MYH4: variants seen among roughly 807,000 people sequenced by gnomAD.
The protein encoded by MYH4 is myosin heavy chain 4.
MYH4 carries 200 observed loss-of-function variants against 229.9 expected under a neutral mutation model. The observed-to-expected ratio is 0.87, with a 90% CI of 0.78 to 0.98. MYH4 has a LOEUF of 0.98. MYH4 is among the 50% of genes least tolerant of loss of function. The pLI, the probability that MYH4 is intolerant of heterozygous loss-of-function variation, is 0.00. For missense variants in MYH4, 2,148 were observed against 2,332.6 expected, an observed-to-expected ratio of 0.92 and a Z score of 1.63; for synonymous variants, 761 against 834.6, an observed-to-expected ratio of 0.91 and a Z score of 1.52.
Position 10,448,502 on chromosome 17 carries a change from G to C in MYH4, c.4550C>G (p.Thr1517Arg). The change falls in exon 33 of 40, where the codon ACA becomes AGA. Residue 1517 changes from threonine (T) to arginine (R), a missense_variant. Physicochemically the swap from Thr to Arg is moderately conservative, Grantham distance 71. Transcript: ENST00000255381. ...CTTTCCACCCTCTGCAATTTGCTCTGTCAGGTCAGAAATCTCCTCTGTAAT... is the reference window on the plus strand; with the variant it reads ...CTTTCCACCCTCTGCAATTTGCTCTCTCAGGTCAGAAATCTCCTCTGTAAT... ...KNLQQEISDL[T>R]EQIAEGGKHI... 3 of 1,613,678 alleles carry C rather than the reference G, an allele frequency of 1.9e-6. No homozygotes were observed. The highest frequency in any genetic ancestry group is 2.5e-6 in the Non-Finnish European group (3 of 1,179,900).
chr17:10,464,690 A>G lies in MYH4; in HGVS notation c.524T>C (p.Ile175Thr), dbSNP rs764317713. 6.2e-7 allele frequency: 1 copy of G among 1,613,876 alleles called. No homozygotes were observed. Among genetic ancestry groups the G allele is most frequent in the Non-Finnish European group, 8.5e-7 (1 of 1,179,790 alleles). The change falls in exon 6 of 40, where the codon ATC (isoleucine) becomes ACC (threonine). Residue 175 changes from isoleucine (I) to threonine (T), a missense_variant. Physicochemically the swap from Ile to Thr is moderately conservative, Grantham distance 89. Transcript: ENST00000255381. The part of the protein sequence containing the change: ...FMLTDRENQS[I>T]LITGESGAGK... ...AACGAAATCTACATACGTAATCAAG[A>G]TTGACTGGTTTTCACGATCTGTAAA... is the stretch of plus-strand genomic sequence containing the variant.
At chr17:10,466,163 G>T in intron 4 of MYH4, 110 bp downstream of exon 4, 1 of 1,252,938 alleles carries the variant, frequency 8.0e-7, no homozygotes, top group South Asian at 1.5e-5. Context: ...CAAACAATTG[G>T]TCATAAAAGA....
At position 10,445,246 on chromosome 17, in the gene MYH4, G is replaced by A. The variant is rs539118097; in HGVS notation, c.5286C>T (p.Ala1762=). The A allele has an allele frequency of 1.6e-5, 26 of 1,614,104 alleles. No individual in the cohort carries two copies. In the East Asian group the frequency reaches 5.8e-4, roughly 36 times the overall value. ...ARNAEEKAKK[A]ITDAAMMAEE... is the part of the protein sequence containing the mutation. ...TGCTCATCTTGCTTACATCAGTGAT[G>A]GCCTTCTTGGCCTTCTCCTCTGCAT... The change falls in exon 36 of 40, where the codon GCC becomes GCT. Residue 1762 remains alanine, a synonymous_variant. Transcript: ENST00000255381.
chr17:10,451,024 G>T, intron 28 of MYH4, 129 bp from the exon 29 acceptor site: 1 of 878,424 alleles, frequency 1.1e-6, no homozygotes, highest in Non-Finnish European at 1.8e-6. Context: ...CAGTGATGTT[G>T]AGAAGGTTAT....
rs1236821823 is a variant in MYH4, at chr17:10,448,933, G to A, written c.4296C>T (p.Leu1432=). 5.0e-6 allele frequency: 8 copies of A among 1,614,004 alleles called. No individual in the cohort carries two copies. The highest frequency in any genetic ancestry group is 5.1e-6 in the Non-Finnish European group (6 of 1,180,020). ...KQRLQNEVED[L]MIDVERSNAA... is the part of the protein sequence containing the mutation. Reference sequence around the variant, plus strand: ...CATTAGATCGTTCCACATCAATCATGAGGTCCTCTACTTCATTCTGTAGCC... The same window carrying A: ...CATTAGATCGTTCCACATCAATCATAAGGTCCTCTACTTCATTCTGTAGCC... The change falls in exon 31 of 40, where the codon CTC becomes CTT. Residue 1432 remains leucine, a synonymous_variant. Coordinates refer to ENST00000255381, the MANE Select transcript of MYH4 (RefSeq NM_017533.2).
At chr17:10,466,923 A>C in intron 2 of MYH4, 139 bp from the exon 3 acceptor site, 1 of 702,664 alleles carries the variant, frequency 1.4e-6, no homozygotes, top group Non-Finnish European at 2.3e-6. Context: ...ATACTATGTC[A>C]AGGAGCTGAG....
chr17:10,450,954 A>C, intron 28 of MYH4, 59 bp from the exon 29 acceptor site: 1 of 1,361,778 alleles, frequency 7.3e-7, no homozygotes, highest in Non-Finnish European at 1.0e-6. Context: ...AATAATTTAA[A>C]GAATGGAATA....
At position 10,448,079 on chromosome 17, in the gene MYH4, C is replaced by T; in HGVS notation, c.4704G>A (p.Glu1568=). The T allele has an allele frequency of 6.2e-7, 1 of 1,613,992 alleles. No individual in the cohort carries two copies. The highest frequency in any genetic ancestry group is 8.5e-7 in the Non-Finnish European group (1 of 1,179,990). Residue 1568 remains glutamate, a synonymous_variant, in exon 34 of 40, where the codon GAG becomes GAA. Transcript: ENST00000255381. The part of the protein sequence containing the change: ...EEGKILRIQL[E]LNQVKSEIDR... The stretch of plus-strand genomic sequence containing the variant: ...CAATCTCAGATTTCACCTGATTTAG[C>T]TCAAGTTGAATGCGAAGAATTTTGC...
rs763445794 is a variant in MYH4 at position 10,466,264 on chromosome 17, G to T, written c.348+9C>A. The T allele has an allele frequency of 7.4e-6, 12 of 1,612,682 alleles. No homozygotes were observed. The highest frequency in any genetic ancestry group is 1.0e-5 in the Non-Finnish European group (12 of 1,179,516). On this transcript the variant is annotated intron_variant, in intron 4 of 39. Transcript: ENST00000255381. Reference sequence around the variant, plus strand: ...AGTGAGTGAGAAATAGCGTTGAAAGGGTGCTCACGTAGATCATCCAGGCTG... The same window carrying T: ...AGTGAGTGAGAAATAGCGTTGAAAGTGTGCTCACGTAGATCATCCAGGCTG...
Position 10,448,964 on chromosome 17 carries a change from T to C in MYH4, c.4265A>G (p.Lys1422Arg). Residue 1422 changes from lysine (K) to arginine (R), a missense_variant, in exon 31 of 40, where the codon AAG (lysine) becomes AGG (arginine). Coordinates refer to ENST00000255381, the MANE Select transcript of MYH4 (RefSeq NM_017533.2). ...CTCTACTTCATTCTGTAGCCTCTGC[T>C]TTGTCTTTTCAAGAGAAGCACATTT... is the stretch of plus-strand genomic sequence containing the variant. ...NSKCASLEKTKQRLQNEVEDL... is the reference protein window; with the variant it reads ...NSKCASLEKTRQRLQNEVEDL... The C allele has an allele frequency of 6.2e-7, 1 of 1,614,162 alleles. No homozygotes were observed. Among genetic ancestry groups the C allele is most frequent in the Non-Finnish European group, 8.5e-7 (1 of 1,180,018 alleles).
Position 10,455,237 on chromosome 17 carries a change from C to G in MYH4, c.2233G>C (p.Ala745Pro), listed in dbSNP as rs756425015. ...PEGQFIDSKK[A>P]SEKLLGSIEI... ...ATAGACCCTAGAAGTTTCTCAGAAG[C>G]CTTCTTGCTGTCAATGAACTGACCC... The change falls in exon 20 of 40, where the codon GCT becomes CCT. Residue 745 changes from alanine to proline, a missense_variant. Coordinates refer to ENST00000255381, the MANE Select transcript of MYH4 (RefSeq NM_017533.2). 7.4e-6 allele frequency: 12 copies of G among 1,613,810 alleles called. No individual in the cohort carries two copies. The highest frequency in any genetic ancestry group is 1.6e-4 in the Middle Eastern group (1 of 6,084).
chr17:10,460,024 C>T lies in MYH4; in HGVS notation c.1344G>A (p.Gln448=), dbSNP rs1260481375. ...GCCTGGGCTGCTTGGTGTCCAGCTGCTGGTTGATGCGGGTGACCATCCACA... is the reference window on the plus strand; with the variant it reads ...GCCTGGGCTGCTTGGTGTCCAGCTGTTGGTTGATGCGGGTGACCATCCACA... ...MFLWMVTRIN[Q]QLDTKQPRQY... is the part of the protein sequence containing the mutation. The change falls in exon 14 of 40, where the codon CAG becomes CAA. Residue 448 remains glutamine, a synonymous_variant. Transcript: ENST00000255381. The T allele has an allele frequency of 8.1e-6, 13 of 1,614,128 alleles. No individual in the cohort carries two copies. Among genetic ancestry groups the T allele is most frequent in the Non-Finnish European group, 8.5e-6 (10 of 1,179,992 alleles).
In MYH4 at chr17:10,454,908, G is replaced by A. The variant is rs769083716; in HGVS notation, c.2435+33C>T. 6.2e-6 allele frequency: 10 copies of A among 1,612,336 alleles called. No individual in the cohort carries two copies. In the Admixed American group the frequency reaches 1.7e-4, roughly 27 times the overall value. On this transcript the variant is annotated intron_variant, in intron 21 of 39. Transcript: ENST00000255381. ...CTGCAGTGGATTCATTTATGAAAGT[G>A]TGGAGCAGGAAGACTTGTGTGTGGG...
In MYH4 at chr17:10,453,755, G is replaced by C; in HGVS notation, c.2822C>G (p.Thr941Arg). 1 of 1,614,030 alleles carries C rather than the reference G, an allele frequency of 6.2e-7. No individual in the cohort carries two copies. The highest frequency in any genetic ancestry group is 1.3e-5 in the African/African-American group (1 of 75,028). Residue 941 changes from threonine to arginine, a missense_variant, in exon 23 of 40, where the codon ACA becomes AGA. Physicochemically the swap from Thr to Arg is moderately conservative, Grantham distance 71. Transcript: ENST00000255381. ...ATCCTCCAGTTTCCTCTTCTTGGCTGTCAGCTCAGCATTGATCTCTTCCTC... is the reference window on the plus strand; with the variant it reads ...ATCCTCCAGTTTCCTCTTCTTGGCTCTCAGCTCAGCATTGATCTCTTCCTC... ...EDEEEINAEL[T>R]AKKRKLEDEC...
In MYH4 at chr17:10,457,679, T is replaced by C. The variant is rs142936686; in HGVS notation, c.1638A>G (p.Ala546=). 4.9e-5 allele frequency: 79 copies of C among 1,614,196 alleles called. No individual in the cohort carries two copies. In the South Asian group the frequency reaches 6.7e-4, roughly 14 times the overall value. Residue 546 remains alanine (A), a synonymous_variant, in exon 16 of 40, where the codon GCA becomes GCG. Transcript: ENST00000255381. ...GCTTGTTCTTGAAGGAGGTGTCTGT[T>C]GCCTTGGGGAACATGCACTCCTCTT... ...ILEEECMFPK[A]TDTSFKNKLY...
intron 16 of MYH4, 37 bp downstream of exon 16, chr17:10,457,383 G>A: frequency 6.5e-7 from 1 of 1,545,374 alleles, no homozygotes; most frequent in Non-Finnish European, 8.7e-7. Flanking sequence ...TATCTATTTT[G>A]TGACTCTTGT....
Position 10,450,839 on chromosome 17 carries a change from C to T in MYH4, c.3922G>A (p.Gly1308Ser). The T allele has an allele frequency of 6.2e-7, 1 of 1,614,072 alleles. No homozygotes were observed. The stretch of plus-strand genomic sequence containing the variant: ...ATCTGTTGTGTAAATGCTTGTTTGC[C>T]TCGGGATAGCTGAGAAACCATAGCA... ...KDAMVSQLSRGKQAFTQQIEE... is the reference protein window; with the variant it reads ...KDAMVSQLSRSKQAFTQQIEE... The change falls in exon 29 of 40, where the codon GGC becomes AGC. Residue 1308 changes from glycine (G) to serine (S), a missense_variant. Transcript: ENST00000255381.
chr17:10,452,113 T>C lies in MYH4; in HGVS notation c.3566A>G (p.His1189Arg). 6.2e-7 allele frequency: 1 copy of C among 1,614,062 alleles called. No homozygotes were observed. Among genetic ancestry groups the C allele is most frequent in the South Asian group, 1.1e-5 (1 of 91,074 alleles). Residue 1189 changes from histidine to arginine, a missense_variant, in exon 27 of 40, where the codon CAC (histidine) becomes CGC (arginine). Physicochemically the swap from His to Arg is conservative, Grantham distance 29. Coordinates refer to ENST00000255381, the MANE Select transcript of MYH4 (RefSeq NM_017533.2). ...CCGAAGAGCAGCTGCCGTGGCTTCG[T>C]GCTGCAGGGTGGACTCTTCCAGGTC... ...RRDLEESTLQ[H>R]EATAAALRKK... is the part of the protein sequence containing the mutation.
rs149046569 is a variant in MYH4 at position 10,448,093 on chromosome 17, G to A, written c.4690C>T (p.Arg1564Cys). The change falls in exon 34 of 40, where the codon CGC becomes TGC. Residue 1564 changes from arginine to cysteine, a missense_variant. Arg to Cys is a radical substitution (Grantham distance 180). Transcript: ENST00000255381. ...ACCTGATTTAGCTCAAGTTGAATGC[G>A]AAGAATTTTGCCTTCTTCATGCTCA... ...SLEHEEGKILRIQLELNQVKS... is the reference protein window; with the variant it reads ...SLEHEEGKILCIQLELNQVKS... 13 of 1,613,534 alleles carry A rather than the reference G, an allele frequency of 8.1e-6. No individual in the cohort carries two copies. The highest frequency in any genetic ancestry group is 2.2e-5 in the East Asian group (1 of 44,876).
Sources: gnomAD v4.1 joint callset for allele counts on GRCh38, gnomAD v4.1.1 for gene constraint, MANE v1.5 for transcripts, NCBI Gene and HGNC (gene_info 2026-07-23, HGNC 2026-07-21) for gene names.